The following EHBP1 variants were observed in gnomAD, a reference collection of about 807,000 sequenced individuals.
EHBP1 encodes the protein EH domain binding protein 1.
EHBP1 carries 55 observed loss-of-function variants against 144.0 expected under a neutral mutation model. The observed-to-expected ratio is 0.38, with a 90% CI of 0.31 to 0.48. EHBP1 has a LOEUF of 0.48. EHBP1 is among the 20% of genes least tolerant of loss of function. EHBP1 has a pLI of 0.98. For missense variants in EHBP1, 1,200 were observed against 1,364.2 expected (o/e 0.88, Z 1.90); for synonymous variants, 469 against 472.7 (o/e 0.99, Z 0.10).
intron 10 of EHBP1, among the ~76,000 whole-genome samples, chr2:62,920,625 T>C (rs1044897631): frequency 1.3e-5 from 2 of 152,104 alleles, no homozygotes; most frequent in Non-Finnish European, 2.9e-5. Context: ...GATGAATGCA[T>C]TAATTTAAGA....
intron 10 of EHBP1, among the ~76,000 whole-genome samples, chr2:62,884,097 A>C (rs2051710447): frequency 6.6e-6 from 1 of 152,252 alleles, no homozygotes; most frequent in Non-Finnish European, 1.5e-5. Context: ...ATTCACATGT[A>C]TATGCCTATG....
intron 2 of EHBP1, 126 bp from the exon 3 acceptor site, chr2:62,747,269 C>A: frequency 1.4e-6 from 1 of 719,534 alleles, no homozygotes; most frequent in Non-Finnish European, 2.3e-6. Context: ...TTTGATAGAG[C>A]TTTATTGTAA....
chr2:62,725,595 G>A (rs1294929199), intron 2 of EHBP1, among the ~76,000 whole-genome samples: 1 of 152,212 alleles, frequency 6.6e-6, no homozygotes, highest in African/African-American at 2.4e-5. Context: ...AGCAGTGTTG[G>A]TACAAAGGCA....
At chr2:62,706,108 C>T (rs571716228) in intron 1 of EHBP1, 56 bp downstream of exon 1, 98 of 153,802 alleles carry the variant, frequency 6.4e-4, no homozygotes, top group Non-Finnish European at 1.2e-3. Context: ...GGGGTCCGGG[C>T]TGGGGTCTTC....
intron 10 of EHBP1, among the ~76,000 whole-genome samples, chr2:62,915,659 A>C (rs2054553907): frequency 6.6e-6 from 1 of 152,122 alleles, no homozygotes; most frequent in African/African-American, 2.4e-5. Flanking sequence ...TTTTGAGGGG[A>C]TGGTATCAAA....
chr2:62,775,512 A>T (rs2041995509), intron 5 of EHBP1, among the ~76,000 whole-genome samples: 1 of 152,182 alleles, frequency 6.6e-6, no homozygotes, highest in Admixed American at 6.6e-5. Flanking sequence ...TTCTTTGCAC[A>T]TTGTGTTACA....
chr2:62,998,447 A>G (rs1276226948), intron 19 of EHBP1, among the ~76,000 whole-genome samples: 1 of 152,130 alleles, frequency 6.6e-6, no homozygotes, highest in Non-Finnish European at 1.5e-5. Flanking sequence ...TTTTAAGGAG[A>G]CAGATTTCCT....
At chr2:63,005,422 A>G (rs2059998538) in intron 19 of EHBP1, among the ~76,000 whole-genome samples, 2 of 152,038 alleles carry the variant, frequency 1.3e-5, no homozygotes, top group Non-Finnish European at 2.9e-5. Context: ...CTGAAGTGTT[A>G]CCTTCCTGCC....
chr2:62,926,516 A>G (rs2055523306), intron 10 of EHBP1, among the ~76,000 whole-genome samples: 2 of 152,190 alleles, frequency 1.3e-5, no homozygotes, highest in South Asian at 4.1e-4. Flanking sequence ...AATATGGGCA[A>G]ATGACCTGAA....
At chr2:62,691,494 T>A (rs755387159) in intron 1 of EHBP1, among the ~76,000 whole-genome samples, 12 of 152,202 alleles carry the variant, frequency 7.9e-5, no homozygotes, top group Non-Finnish European at 1.6e-4. Flanking sequence ...GGCTGGCAGG[T>A]CATTAGCTGA....
At chr2:62,780,769 G>C (rs2042369159) in intron 5 of EHBP1, among the ~76,000 whole-genome samples, 1 of 152,130 alleles carries the variant, frequency 6.6e-6, no homozygotes, top group Admixed American at 6.5e-5. Context: ...TCACATAGCA[G>C]TTTAATTTGT....
chr2:62,980,213 A>G (rs2058902749), intron 15 of EHBP1, among the ~76,000 whole-genome samples: 1 of 152,188 alleles, frequency 6.6e-6, no homozygotes, highest in South Asian at 2.1e-4. Flanking sequence ...GGATAGTTTC[A>G]GGACAAAACT....
chr2:62,862,729 C>T (rs1401373972), intron 8 of EHBP1, among the ~76,000 whole-genome samples: 1 of 152,196 alleles, frequency 6.6e-6, no homozygotes, highest in Non-Finnish European at 1.5e-5. Flanking sequence ...TTTCAATAAT[C>T]AATTTCCTGC....
At chr2:62,978,388 A>G (rs1389619832) in intron 14 of EHBP1, among the ~76,000 whole-genome samples, 1 of 152,048 alleles carries the variant, frequency 6.6e-6, no homozygotes, top group East Asian at 1.9e-4. Context: ...TTTTTAGTAG[A>G]GACGAGGTTT....
chr2:62,985,728 C>T (rs1322548475), intron 15 of EHBP1, among the ~76,000 whole-genome samples: 1 of 152,154 alleles, frequency 6.6e-6, no homozygotes, highest in African/African-American at 2.4e-5. Flanking sequence ...AATTGTACCT[C>T]TTGAAATTCT....
In EHBP1 at chr2:62,849,920, A is replaced by G. The variant is rs373463018; in HGVS notation, c.635-9249A>G. Among the ~76,000 whole-genome samples the G allele has an allele frequency of 4.6e-5, 7 of 152,362 alleles. No individual in the cohort carries two copies. The East Asian group carries it at 1.3e-3, about 29-fold the overall frequency. On this transcript the variant is annotated intron_variant, in intron 7 of 22. Coordinates refer to ENST00000431489, the MANE Select transcript of EHBP1 (RefSeq NM_001142616.3). ...GGCACTCAGTATGTATTTGAGAATT[A>G]TCTTAATTTATGTGTTTGTAGTTAA... is the stretch of plus-strand genomic sequence containing the variant.
chr2:63,022,890 G>A (rs2060815659), intron 19 of EHBP1, among the ~76,000 whole-genome samples: 1 of 152,022 alleles, frequency 6.6e-6, no homozygotes, highest in Admixed American at 6.6e-5. Flanking sequence ...AAAAACATTA[G>A]AGGCCGGGCA....
intron 9 of EHBP1, among the ~76,000 whole-genome samples, chr2:62,869,326 CAA>C (rs1347851758): frequency 2.6e-5 from 4 of 152,144 alleles, no homozygotes; most frequent in Non-Finnish European, 5.9e-5. Context: ...CATATGTCCA[CAA>C]AGACTTCTAC....
intron 5 of EHBP1, among the ~76,000 whole-genome samples, chr2:62,788,287 A>G (rs901287160): frequency 6.6e-6 from 1 of 152,130 alleles, no homozygotes; most frequent in Non-Finnish European, 1.5e-5. Flanking sequence ...TCTTATTTAA[A>G]TCACCCAACT....
Sources: allele counts gnomAD v4.1 joint callset (sites outside exome capture counted in the v4.1 genomes callset), GRCh38; gene constraint gnomAD v4.1.1; transcripts MANE v1.5; gene names NCBI Gene and HGNC (gene_info 2026-07-23, HGNC 2026-07-21).